The following BCAP31 variants were observed in gnomAD, a reference collection of about 807,000 sequenced individuals.
BCAP31 encodes B cell receptor associated protein 31.
For missense variants in BCAP31, 124 were observed against 193.0 expected, an observed-to-expected ratio of 0.64 and a Z score of 2.12; for synonymous variants, 75 against 80.9, an observed-to-expected ratio of 0.93 and a Z score of 0.39.
Position 153,704,070 on chromosome X carries a change from G to A in BCAP31, c.366C>T (p.Leu122=), listed in dbSNP as rs1394477215. 27 of 1,209,609 alleles carry A rather than the reference G, an allele frequency of 2.2e-5. No individual in the cohort carries two copies. The highest frequency in any genetic ancestry group is 5.9e-5 in the East Asian group (2 of 33,785). ...LSFLLRRLVT[L]ISQQATLLAS... ...CCAGCAGCGTGGCCTGCTGCGAAAT[G>A]AGAGTCACCAGGCGTCTAAGCAGGC... Residue 122 remains leucine (L), a synonymous_variant, in exon 5 of 8, where the codon CTC becomes CTT. Coordinates refer to ENST00000345046, the MANE Select transcript of BCAP31 (RefSeq NM_001256447.2).
intron 1 of BCAP31, chrX:153,724,008 G>C: frequency 2.7e-6 from 1 of 365,704 alleles, no homozygotes; most frequent in South Asian, 2.6e-5. Flanking sequence ...GAAGCCAGGG[G>C]TCCTTACAGT....
intron 3 of BCAP31, among the ~76,000 whole-genome samples, chrX:153,717,059 C>A (rs2091634382): frequency 8.9e-6 from 1 of 112,102 alleles, no homozygotes; most frequent in African/African-American, 3.2e-5. Flanking sequence ...AATAGACATC[C>A]ATCTCTGAAA....
chrX:153,700,652 A>C lies in BCAP31; in HGVS notation c.*285T>G. 1 of 283,861 alleles carries C rather than the reference A, an allele frequency of 3.5e-6. No homozygotes were observed. The allele number at this position is 283,861 out of a possible 1,213,427, so 23.4% of individuals were successfully genotyped here. A position where few individuals can be genotyped will look rare whatever the true frequency, so the allele number is the denominator to read the frequency against. On this transcript the variant is annotated 3_prime_UTR_variant, in exon 8 of 8. Transcript: ENST00000345046. ...CCCCACCGCAAGCCGGACTACAACT[A>C]ACTCGTGCTCTCCACGCTCAGGCGT...
At chrX:153,708,311 A>C (rs1426247869) in intron 4 of BCAP31, among the ~76,000 whole-genome samples, 1 of 112,640 alleles carries the variant, frequency 8.9e-6, no homozygotes, top group Non-Finnish European at 1.9e-5. Flanking sequence ...CATGGCTCAT[A>C]AGCACTTTTC....
intron 2 of BCAP31, among the ~76,000 whole-genome samples, chrX:153,721,354 T>C (rs2091664169): frequency 9.6e-6 from 1 of 104,658 alleles, no homozygotes. Context: ...GAGAATCACT[T>C]GAACCTGGGA....
At chrX:153,711,382 C>A (rs1557049126) in intron 4 of BCAP31, among the ~76,000 whole-genome samples, 1 of 112,357 alleles carries the variant, frequency 8.9e-6, no homozygotes, top group Non-Finnish European at 1.9e-5. Context: ...TCCTGCTCCA[C>A]TCCAACCCAT....
Position 153,715,574 on chromosome X carries a change from G to A in BCAP31, c.309C>T (p.Leu103=). Residue 103 remains leucine, a synonymous_variant, in exon 4 of 8, where the codon CTC becomes CTT. Transcript: ENST00000345046. The stretch of plus-strand genomic sequence containing the variant: ...GCAGCAAGGAAAAGCCAGCAATGTA[G>A]AGATTCCTCTGGGCACGGAAAAGCT... ...HMKLFRAQRN[L]YIAGFSLLLS... 8.3e-7 allele frequency: 1 copy of A among 1,211,727 alleles called. No homozygotes were observed. Among genetic ancestry groups the A allele is most frequent in the Non-Finnish European group, 1.1e-6 (1 of 895,454 alleles).
chrX:153,702,416 G>T (rs2091524742), intron 6 of BCAP31: 1 of 247,241 alleles, frequency 4.0e-6, no homozygotes, highest in Non-Finnish European at 7.2e-6. Flanking sequence ...GGGAGACAGG[G>T]AGCAAGATCC....
rs191105457 is a variant in BCAP31, at chrX:153,722,218, C to A, written c.92+935G>T. Among the ~76,000 whole-genome samples, 4 of 111,965 alleles carry A rather than the reference C, an allele frequency of 3.6e-5. No homozygotes were observed. The East Asian group carries it at 8.4e-4, about 23-fold the overall frequency. On this transcript the variant is annotated intron_variant, in intron 2 of 7. Coordinates refer to ENST00000345046, the MANE Select transcript of BCAP31 (RefSeq NM_001256447.2). ...CAACAAGAAGCCCTCATCATCAGGGCTAGAGTTGAATATGCCAATCACTGA... is the reference window on the plus strand; with the variant it reads ...CAACAAGAAGCCCTCATCATCAGGGATAGAGTTGAATATGCCAATCACTGA...
At chrX:153,719,389 G>C (rs1267572114) in intron 3 of BCAP31, among the ~76,000 whole-genome samples, 1 of 112,293 alleles carries the variant, frequency 8.9e-6, no homozygotes, top group Non-Finnish European at 1.9e-5. Context: ...GTTAGAAAGA[G>C]CTACTACCTC....
intron 3 of BCAP31, among the ~76,000 whole-genome samples, chrX:153,718,345 C>T (rs1184623138): frequency 1.9e-5 from 2 of 102,826 alleles, no homozygotes; most frequent in African/African-American, 7.1e-5. Flanking sequence ...AAAAAGATGT[C>T]TAACGTGCAG....
intron 5 of BCAP31, among the ~76,000 whole-genome samples, 186 bp from the exon 6 acceptor site, chrX:153,703,244 G>A (rs1326327784): frequency 1.8e-5 from 2 of 113,208 alleles, no homozygotes; most frequent in African/African-American, 3.2e-5. Context: ...GTGGCTGCCC[G>A]CCGAGGGAAA....
chrX:153,716,321 T>G (rs782817625), intron 3 of BCAP31, among the ~76,000 whole-genome samples: 1 of 109,741 alleles, frequency 9.1e-6, no homozygotes, highest in African/African-American at 3.3e-5. Context: ...GGCTTCCTTT[T>G]CCCATGGTAC....
chrX:153,706,376 T>C (rs1254542577), intron 4 of BCAP31, among the ~76,000 whole-genome samples: 1 of 111,948 alleles, frequency 8.9e-6, no homozygotes, highest in African/African-American at 3.2e-5. Context: ...TTCCCTCCCA[T>C]ATATTCCTCA....
chrX:153,724,248 C>A, intron 1 of BCAP31, 86 bp downstream of exon 1: 1 of 211,875 alleles, frequency 4.7e-6, no homozygotes, highest in Non-Finnish European at 8.7e-6. Context: ...CCGGGCCTCC[C>A]CGCGCCGCTC....
chrX:153,705,851 CCCG>C (rs2091550910), intron 4 of BCAP31, among the ~76,000 whole-genome samples: 1 of 112,207 alleles, frequency 8.9e-6, no homozygotes. Flanking sequence ...GGCTATACTC[CCCG>C]CCACCAGGCC....
At chrX:153,716,344 T>C (rs1238541932) in intron 3 of BCAP31, among the ~76,000 whole-genome samples, 2 of 109,138 alleles carry the variant, frequency 1.8e-5, no homozygotes, top group Non-Finnish European at 3.8e-5. Flanking sequence ...TCACCGCGTC[T>C]TGTTCTGTTC....
At chrX:153,719,326 C>T (rs1165272240) in intron 3 of BCAP31, among the ~76,000 whole-genome samples, 1 of 111,440 alleles carries the variant, frequency 9.0e-6, no homozygotes, top group Non-Finnish European at 1.9e-5. Flanking sequence ...GGGGATGACA[C>T]ATATATTACC....
intron 4 of BCAP31, among the ~76,000 whole-genome samples, chrX:153,711,670 G>A (rs1288398627): frequency 3.6e-5 from 4 of 111,724 alleles, no homozygotes; most frequent in African/African-American, 1.3e-4. Context: ...TTGGGAGGCC[G>A]AGGTGGGCAG....
Sources: gnomAD v4.1 joint callset for allele counts (sites outside exome capture counted in the v4.1 genomes callset) on GRCh38, gnomAD v4.1.1 for gene constraint, MANE v1.5 for transcripts, NCBI Gene and HGNC (gene_info 2026-07-23, HGNC 2026-07-21) for gene names.